The following ARID5B variants were observed in gnomAD, a reference collection of about 807,000 sequenced individuals.
ARID5B encodes the protein AT-rich interactive domain-containing protein 5B.
In ARID5B, 13 loss-of-function variants were observed where a neutral mutation model predicts 97.2. The observed-to-expected ratio is 0.13, with a 90% CI of 0.09 to 0.21. The LOEUF (loss-of-function observed/expected upper bound fraction) is 0.21. ARID5B is among the 10% of genes least tolerant of loss of function. The pLI is 1.00. For synonymous variants in ARID5B, 556 were observed against 570.3 expected (o/e 0.97, Z 0.36); for missense variants, 1,210 against 1,465.3 (o/e 0.83, Z 2.84).
At chr10:62,027,511 C>T (rs1246602037) in intron 4 of ARID5B, among the ~76,000 whole-genome samples, 3 of 151,378 alleles carry the variant, frequency 2.0e-5, no homozygotes, top group African/African-American at 7.3e-5. Flanking sequence ...GACGGGGTTT[C>T]ACCATGTTAG....
chr10:61,921,221 A>G (rs1197892691), intron 2 of ARID5B, among the ~76,000 whole-genome samples: 1 of 152,202 alleles, frequency 6.6e-6, no homozygotes. Context: ...TCTTGTTAAA[A>G]CAACACTTAC....
At chr10:61,989,024 G>A (rs1318638192) in intron 3 of ARID5B, among the ~76,000 whole-genome samples, 1 of 146,624 alleles carries the variant, frequency 6.8e-6, no homozygotes, top group Non-Finnish European at 1.5e-5. Context: ...CTGCCTCCTG[G>A]GTTTAAGTGA....
chr10:61,983,347 A>G (rs1564619644), intron 3 of ARID5B, among the ~76,000 whole-genome samples: 2 of 152,234 alleles, frequency 1.3e-5, no homozygotes, highest in Admixed American at 6.5e-5. Context: ...AAGAAAGAGT[A>G]GTGATTTTCT....
intron 8 of ARID5B, among the ~76,000 whole-genome samples, chr10:62,080,270 C>T (rs1461324179): frequency 1.3e-5 from 2 of 152,206 alleles, no homozygotes; most frequent in African/African-American, 4.8e-5. Context: ...TTCTGCTCCA[C>T]TCAAGTTCAC....
intron 3 of ARID5B, among the ~76,000 whole-genome samples, chr10:61,985,812 A>G (rs1044776136): frequency 1.3e-5 from 2 of 152,066 alleles, no homozygotes; most frequent in African/African-American, 2.4e-5. Flanking sequence ...TAATAATACC[A>G]TTGTCTTCAC....
Position 62,050,935 on chromosome 10 carries a change from A to G in ARID5B, c.781A>G (p.Arg261Gly). The change falls in exon 5 of 10, where the codon AGA becomes GGA. Residue 261 changes from arginine (R) to glycine (G), a missense_variant. Physicochemically the swap from Arg to Gly is moderately radical, Grantham distance 125. Transcript: ENST00000279873. ...ACGCAAAAAGAAACCATGCCCACAA[A>G]GAAGAGATTCATTCAGTGGTGTTAA... ...RPRKKKPCPQ[R>G]RDSFSGVKDS... 6.2e-7 allele frequency: 1 copy of G among 1,614,230 alleles called. No homozygotes were observed. The highest frequency in any genetic ancestry group is 1.1e-5 in the South Asian group (1 of 91,086).
chr10:62,008,347 G>T (rs1839174175), intron 4 of ARID5B, among the ~76,000 whole-genome samples: 1 of 152,214 alleles, frequency 6.6e-6, no homozygotes, highest in South Asian at 2.1e-4. Flanking sequence ...CAGTGTCCGT[G>T]CTCTTTGCAC....
intron 3 of ARID5B, among the ~76,000 whole-genome samples, chr10:61,966,064 A>C (rs1838541051): frequency 6.6e-6 from 1 of 152,200 alleles, no homozygotes; most frequent in Non-Finnish European, 1.5e-5. Flanking sequence ...AAGATATGCA[A>C]AAAGAAGAGA....
chr10:61,939,522 C>A (rs1416492298), intron 2 of ARID5B, among the ~76,000 whole-genome samples: 2 of 152,178 alleles, frequency 1.3e-5, no homozygotes, highest in Non-Finnish European at 2.9e-5. Flanking sequence ...CCCTCTACCC[C>A]ATCTGTATTA....
chr10:61,949,577 C>A (rs1457843033), intron 3 of ARID5B, among the ~76,000 whole-genome samples: 5 of 152,136 alleles, frequency 3.3e-5, no homozygotes, highest in African/African-American at 1.2e-4. Flanking sequence ...GCGGAGGTTG[C>A]AGTGAGTCAA....
At chr10:61,954,520 G>A (rs546369268) in intron 3 of ARID5B, among the ~76,000 whole-genome samples, 5 of 151,974 alleles carry the variant, frequency 3.3e-5, no homozygotes, top group South Asian at 2.1e-4. Context: ...AGAAAATTTC[G>A]TGCCAGGAAT....
chr10:62,014,648 T>A (rs1300987487), intron 4 of ARID5B, among the ~76,000 whole-genome samples: 2 of 152,168 alleles, frequency 1.3e-5, no homozygotes, highest in Non-Finnish European at 2.9e-5. Flanking sequence ...GGAGCTTCCA[T>A]GACTCAGTTA....
intron 2 of ARID5B, among the ~76,000 whole-genome samples, chr10:61,907,046 A>C (rs1843719322): frequency 6.6e-6 from 1 of 152,238 alleles, no homozygotes; most frequent in Admixed American, 6.5e-5. Flanking sequence ...CATGGAGCTT[A>C]CTGAAAAGTT....
intron 2 of ARID5B, among the ~76,000 whole-genome samples, chr10:61,906,011 T>C (rs1843701506): frequency 1.3e-5 from 2 of 152,172 alleles, no homozygotes; most frequent in Admixed American, 1.3e-4. Context: ...AGCTTGCTAT[T>C]TGCTTAATCT....
intron 3 of ARID5B, among the ~76,000 whole-genome samples, chr10:61,943,596 A>G (rs1176081381): frequency 6.6e-6 from 1 of 152,214 alleles, no homozygotes; most frequent in Non-Finnish European, 1.5e-5. Context: ...TGAAACATGA[A>G]TAATAACAAA....
intron 4 of ARID5B, among the ~76,000 whole-genome samples, chr10:62,048,992 G>A (rs1564636465): frequency 1.3e-5 from 2 of 152,158 alleles, no homozygotes; most frequent in Admixed American, 1.3e-4. Flanking sequence ...CTTCCCTCGC[G>A]GTCATTAAAG....
chr10:62,042,755 CA>C (rs374112928), intron 4 of ARID5B, among the ~76,000 whole-genome samples: 8 of 147,444 alleles, frequency 5.4e-5, no homozygotes, highest in East Asian at 2.0e-4. Flanking sequence ...ACTAAAAATA[CA>C]AAAAAAAAAT....
chr10:62,027,689 G>A (rs1477332205), intron 4 of ARID5B, among the ~76,000 whole-genome samples: 2 of 151,872 alleles, frequency 1.3e-5, no homozygotes, highest in South Asian at 2.1e-4. Context: ...TTAACTTCTT[G>A]CACTCGTTTC....
chr10:62,045,851 A>G (rs1257804313), intron 4 of ARID5B, among the ~76,000 whole-genome samples: 1 of 152,228 alleles, frequency 6.6e-6, no homozygotes, highest in African/African-American at 2.4e-5. Context: ...TGTCTTCCCT[A>G]ATACTGTGAT....
Sources: gnomAD v4.1 joint callset for allele counts (sites outside exome capture counted in the v4.1 genomes callset) on GRCh38, gnomAD v4.1.1 for gene constraint, MANE v1.5 for transcripts, NCBI Gene and HGNC (gene_info 2026-07-23, HGNC 2026-07-21) for gene names.